ADGRG2: variants seen among roughly 807,000 people sequenced by gnomAD.
ADGRG2 encodes G protein-coupled receptor 64.
A neutral mutation model predicts 74.1 loss-of-function variants in ADGRG2; 26 were observed. The ratio of observed to expected loss-of-function variants is 0.35; its 90% CI spans 0.26 to 0.49. The LOEUF is 0.49. Among genes scored for constraint, ADGRG2 ranks in the 20% least tolerant of loss-of-function variants. The pLI, the probability that ADGRG2 is intolerant of heterozygous loss-of-function variation, is 0.99. For synonymous variants in ADGRG2, 296 were observed against 295.2 expected, an observed-to-expected ratio of 1.00 and a Z score of -0.03; for missense variants, 619 against 763.1, an observed-to-expected ratio of 0.81 and a Z score of 2.22.
Position 19,088,505 on chromosome X carries a change from T to C in ADGRG2, c.-46-5759A>G, listed in dbSNP as rs182760888. Among the ~76,000 whole-genome samples the C allele has an allele frequency of 3.5e-3, 396 of 112,248 alleles. 2 individuals are homozygous for C. The highest frequency in any genetic ancestry group is 0.012 in the African/African-American group (379 of 30,897). On this transcript the variant is annotated intron_variant, in intron 1 of 28. Coordinates refer to ENST00000379869, the MANE Select transcript of ADGRG2 (RefSeq NM_001079858.3). ...TTTTGTTTTTTGTTTGTTTATTTGT[T>C]TTTTCTTTGAGACTGGGTCTCCTCT...
At position 18,999,999 on chromosome X, in the gene ADGRG2, T is replaced by C. The variant is rs1295077257; in HGVS notation, c.2231-39A>G. ...AACATTGGTCACACCTAATTTTTTT[T>C]TTTTTTTTTTTTGAGACGGATTCTT... On this transcript the variant is annotated intron_variant, in intron 24 of 28. Transcript: ENST00000379869. 6.4e-6 allele frequency: 5 copies of C among 784,798 alleles called. No individual in the cohort carries two copies. In the African/African-American group the frequency reaches 8.7e-5, roughly 14 times the overall value. 64.7% of individuals were successfully genotyped at this position (784,798 alleles called of 1,213,427 possible).
intron 1 of ADGRG2, among the ~76,000 whole-genome samples, 167 bp from the exon 2 acceptor site, chrX:19,082,913 G>A (rs1341698462): frequency 8.9e-6 from 1 of 111,914 alleles, no homozygotes; most frequent in East Asian, 2.8e-4. Flanking sequence ...AGAAAAAATG[G>A]ATGTAAACCC....
chrX:19,122,092 G>A (rs2062619588), intron 1 of ADGRG2, among the ~76,000 whole-genome samples: 1 of 112,550 alleles, frequency 8.9e-6, no homozygotes. Flanking sequence ...CCACCCGCGC[G>A]AGTCAGGCTC....
chrX:19,009,200 C>T (rs188925766), intron 18 of ADGRG2, among the ~76,000 whole-genome samples: 117 of 104,693 alleles, frequency 1.1e-3, no homozygotes, highest in African/African-American at 3.5e-3. Context: ...TTTTTTGAGA[C>T]GGAATATTAC....
intron 1 of ADGRG2, among the ~76,000 whole-genome samples, chrX:19,111,983 T>G (rs758492018): frequency 6.3e-5 from 7 of 110,937 alleles, no homozygotes; most frequent in Non-Finnish European, 1.3e-4. Flanking sequence ...GAGGGAATAC[T>G]AGAGTCGAAA....
chrX:19,080,892 C>T (rs781235504), intron 2 of ADGRG2, among the ~76,000 whole-genome samples: 15 of 109,386 alleles, frequency 1.4e-4, no homozygotes, highest in Non-Finnish European at 1.5e-4. Context: ...CACTCCAGTA[C>T]AAACTGTAAA....
At chrX:19,030,231 G>A (rs761569421) in intron 9 of ADGRG2, among the ~76,000 whole-genome samples, 34 of 111,474 alleles carry the variant, frequency 3.1e-4, no homozygotes, top group Non-Finnish European at 5.3e-4. Context: ...TCCTCTTCTC[G>A]CTTCTCATGA....
At chrX:19,017,591 G>A (rs1161027386) in intron 15 of ADGRG2, among the ~76,000 whole-genome samples, 4 of 111,983 alleles carry the variant, frequency 3.6e-5, no homozygotes, top group Non-Finnish European at 7.5e-5. Context: ...GGCATGTGAA[G>A]CTGAATGGGG....
intron 3 of ADGRG2, among the ~76,000 whole-genome samples, chrX:19,056,124 C>A (rs776577346): frequency 2.7e-5 from 3 of 111,219 alleles, no homozygotes; most frequent in Non-Finnish European, 5.7e-5. Flanking sequence ...ACGGCCACTT[C>A]TAACTACAAG....
intron 1 of ADGRG2, among the ~76,000 whole-genome samples, chrX:19,109,936 G>A (rs1398005121): frequency 9.0e-6 from 1 of 111,367 alleles, no homozygotes; most frequent in African/African-American, 3.3e-5. Context: ...TCCTAACACA[G>A]AAATATGAAT....
At chrX:19,017,071 G>A (rs1229055487) in intron 15 of ADGRG2, among the ~76,000 whole-genome samples, 1 of 111,341 alleles carries the variant, frequency 9.0e-6, no homozygotes, top group African/African-American at 3.3e-5. Context: ...TCAACATGCA[G>A]CCAGGATTGA....
At chrX:19,115,250 G>A (rs528636058) in intron 1 of ADGRG2, among the ~76,000 whole-genome samples, 2 of 111,376 alleles carry the variant, frequency 1.8e-5, no homozygotes, top group African/African-American at 3.3e-5. Flanking sequence ...CATTTGACAC[G>A]TGGATAAAGC....
intron 1 of ADGRG2, among the ~76,000 whole-genome samples, chrX:19,101,475 C>T (rs756259637): frequency 2.7e-5 from 3 of 110,302 alleles, no homozygotes; most frequent in Admixed American, 2.0e-4. Flanking sequence ...CCGAGGTGGG[C>T]GAATCACTTG....
In ADGRG2 at chrX:19,111,674, C is replaced by G. The variant is rs2062415694; in HGVS notation, c.-47+10768G>C. ...AAGAAGATCTTCTGAGAAGGAGTGACTAGAAATGGGGGTGGGGAATGAGTG... is the reference window on the plus strand; with the variant it reads ...AAGAAGATCTTCTGAGAAGGAGTGAGTAGAAATGGGGGTGGGGAATGAGTG... On this transcript the variant is annotated intron_variant, in intron 1 of 28. Coordinates refer to ENST00000379869, the MANE Select transcript of ADGRG2 (RefSeq NM_001079858.3). Among the ~76,000 whole-genome samples the G allele has an allele frequency of 3.6e-5, 4 of 110,969 alleles. No homozygotes were observed. The Admixed American group carries it at 3.9e-4, about 11-fold the overall frequency.
intron 1 of ADGRG2, among the ~76,000 whole-genome samples, chrX:19,110,733 ATAAAG>A (rs1416098326): frequency 9.1e-6 from 1 of 110,277 alleles, no homozygotes; most frequent in Non-Finnish European, 1.9e-5. Context: ...AAAACAGAAG[ATAAAG>A]TAGAGGACAG....
rs751715998 is a variant in ADGRG2, at chrX:18,989,513, A to G, written c.*1351T>C. On this transcript the variant is annotated 3_prime_UTR_variant, in exon 29 of 29. Coordinates refer to ENST00000379869, the MANE Select transcript of ADGRG2 (RefSeq NM_001079858.3). ...AGAACCTTAGTGAAAGACTTAACTA[A>G]AAGGGGTTTGAAATGTTCCTAATAA... The G allele has an allele frequency of 1.8e-5, 2 of 111,972 alleles. No homozygotes were observed. The highest frequency in any genetic ancestry group is 2.8e-4 in the East Asian group (1 of 3,551). The allele number at this position is 111,972 out of a possible 1,213,427, so 9.2% of individuals were successfully genotyped here. A position where few individuals can be genotyped will look rare whatever the true frequency, so the allele number is the denominator to read the frequency against.
At chrX:19,063,460 C>T (rs1040753205) in intron 3 of ADGRG2, among the ~76,000 whole-genome samples, 4 of 112,408 alleles carry the variant, frequency 3.6e-5, no homozygotes, top group South Asian at 3.7e-4. Context: ...AGCTGTGGGA[C>T]CTCTAGGCAA....
At chrX:19,013,595 A>T in intron 16 of ADGRG2, 91 bp downstream of exon 16, 2 of 798,458 alleles carry the variant, frequency 2.5e-6, no homozygotes, top group Non-Finnish European at 3.6e-6. Flanking sequence ...AGCTCTAGAA[A>T]TCAAGCGAAC....
chrX:19,101,418 T>C (rs1194566109), intron 1 of ADGRG2, among the ~76,000 whole-genome samples: 1 of 111,338 alleles, frequency 9.0e-6, no homozygotes, highest in Non-Finnish European at 1.9e-5. Flanking sequence ...ATTAGAAGGA[T>C]AGCCAGGCAC....
Sources: allele counts gnomAD v4.1 joint callset (sites outside exome capture counted in the v4.1 genomes callset), GRCh38; gene constraint gnomAD v4.1.1; transcripts MANE v1.5; gene names NCBI Gene and HGNC (gene_info 2026-07-23, HGNC 2026-07-21).